SYTL2: variants seen among roughly 807,000 people sequenced by gnomAD.
SYTL2 encodes the protein synaptotagmin like 2.
A neutral mutation model predicts 198.7 loss-of-function variants in SYTL2; 165 were observed. That is an observed-to-expected ratio of 0.83 (90% CI 0.73 to 0.94). The LOEUF is 0.94. Among genes scored for constraint, SYTL2 ranks in the 40% least tolerant of loss-of-function variants. The pLI is 0.00. For missense variants in SYTL2, 2,835 were observed against 2,582.8 expected, an observed-to-expected ratio of 1.10 and a Z score of -2.12; for synonymous variants, 966 against 917.7, an observed-to-expected ratio of 1.05 and a Z score of -0.95.
intron 4 of SYTL2, among the ~76,000 whole-genome samples, chr11:85,739,821 A>T (rs2153505959): frequency 6.6e-6 from 1 of 152,294 alleles, no homozygotes; most frequent in South Asian, 2.1e-4. Flanking sequence ...CTCCAAAGAC[A>T]ATCATGGTAA....
rs954498947 is a variant in SYTL2, at chr11:85,695,071, G to C, written c.*124C>G. The stretch of plus-strand genomic sequence containing the variant: ...AGCACATGCAGATTGACTTTTACAT[G>C]CTGTGTAGTATTCCTTAGGTGCAAT... On this transcript the variant is annotated 3_prime_UTR_variant, in exon 20 of 20. Transcript: ENST00000359152. The C allele has an allele frequency of 1.1e-6, 1 of 933,392 alleles. No individual in the cohort carries two copies. Among genetic ancestry groups the C allele is most frequent in the Middle Eastern group, 2.4e-4 (1 of 4,120 alleles). 57.8% of individuals were successfully genotyped at this position (933,392 alleles called of 1,614,324 possible). A position where few individuals can be genotyped will look rare whatever the true frequency, so the allele number is the denominator to read the frequency against.
the SYTL2 span, among the ~76,000 whole-genome samples, chr11:85,847,515 T>C: frequency 6.6e-5 from 10 of 152,196 alleles, no homozygotes; most frequent in Non-Finnish European, 1.0e-4. Flanking sequence ...GGTCATACAG[T>C]ATATGTGTTT....
intron 1 of SYTL2, among the ~76,000 whole-genome samples, chr11:85,772,336 T>C (rs57373902): frequency 2.0e-3 from 311 of 152,302 alleles, no homozygotes; most frequent in Admixed American, 3.7e-3. Flanking sequence ...TGAGACACAA[T>C]AGGAAGTAGT....
Position 85,734,577 on chromosome 11 carries a change from T to A in SYTL2, c.752A>T (p.Asp251Val), listed in dbSNP as rs2090150681. ...MIYKSTDLNK[D>V]DNQSFPRQRT... ...TTGTCTAGGAAAAGACTGGTTATCA[T>A]CTTTGTTTAAATCAGTTGATTTGTA... The change falls in exon 7 of 20, where the codon GAT becomes GTT. Residue 251 changes from aspartate (D) to valine (V), a missense_variant. Transcript: ENST00000359152. The A allele has an allele frequency of 3.1e-6, 5 of 1,614,124 alleles. No individual in the cohort carries two copies. The highest frequency in any genetic ancestry group is 3.3e-5 in the Admixed American group (2 of 60,006).
At chr11:85,708,397 C>G (rs1392972419) in intron 14 of SYTL2, among the ~76,000 whole-genome samples, 2 of 151,992 alleles carry the variant, frequency 1.3e-5, no homozygotes, top group Admixed American at 6.5e-5. Flanking sequence ...AAGGATTGCA[C>G]TTGTCTCAGC....
At chr11:85,765,153 G>T (rs1190388423) in intron 1 of SYTL2, among the ~76,000 whole-genome samples, 1 of 152,142 alleles carries the variant, frequency 6.6e-6, no homozygotes. Flanking sequence ...ATAGTTGAAT[G>T]AACAAATAAA....
chr11:85,760,690 G>T (rs941708916), intron 1 of SYTL2, among the ~76,000 whole-genome samples: 1 of 152,068 alleles, frequency 6.6e-6, no homozygotes, highest in Non-Finnish European at 1.5e-5. Context: ...AACTTAGGTC[G>T]TCTAGCAGTG....
At chr11:85,785,169 G>C (rs1350423883) in intron 1 of SYTL2, among the ~76,000 whole-genome samples, 1 of 152,186 alleles carries the variant, frequency 6.6e-6, no homozygotes, top group African/African-American at 2.4e-5. Context: ...GCCCAGCTAA[G>C]AGCTGGAAGG....
At chr11:85,737,494 T>C (rs2090442560) in intron 5 of SYTL2, 81 bp downstream of exon 5, 1 of 1,110,458 alleles carries the variant, frequency 9.0e-7, no homozygotes, top group Non-Finnish European at 1.3e-6. Flanking sequence ...AAATTCTCTT[T>C]ATTTTGTGGT....
intron 16 of SYTL2, among the ~76,000 whole-genome samples, chr11:85,702,921 GAT>G (rs1401208355): frequency 5.9e-5 from 9 of 152,200 alleles, no homozygotes; most frequent in African/African-American, 1.9e-4. Context: ...ACAATGTTAA[GAT>G]AGAGAATTTT....
At chr11:85,813,964 T>C (rs2093058554), upstream of SYTL2, among the ~76,000 whole-genome samples, 1 of 152,158 alleles carries the variant, frequency 6.6e-6, no homozygotes, top group Non-Finnish European at 1.5e-5. Flanking sequence ...CGCCTCAGCA[T>C]CTCTAAGTGT....
intron 17 of SYTL2, 135 bp from the exon 18 acceptor site, chr11:85,698,213 A>C (rs1208193704): frequency 1.6e-6 from 1 of 627,418 alleles, no homozygotes; most frequent in Non-Finnish European, 2.8e-6. Flanking sequence ...GAACTGATTA[A>C]ATCTATACAG....
At position 85,694,984 on chromosome 11, in the gene SYTL2, T is replaced by A. The variant is rs766333775; in HGVS notation, c.*211A>T. The A allele has an allele frequency of 2.2e-5, 9 of 402,628 alleles. No homozygotes were observed. Among genetic ancestry groups the A allele is most frequent in the Admixed American group, 4.2e-5 (1 of 23,664 alleles). The allele number at this position is 402,628 out of a possible 1,614,324, so 24.9% of individuals were successfully genotyped here. On this transcript the variant is annotated 3_prime_UTR_variant, in exon 20 of 20. Coordinates refer to ENST00000359152, the MANE Select transcript of SYTL2 (RefSeq NM_206927.4). ...TAGCTTGTTCAAATATCTTATTTAA[T>A]ATTAGAGTCACAAATTACACATTTT...
intron 4 of SYTL2, 123 bp downstream of exon 4, chr11:85,745,514 G>A (rs1204404755): frequency 1.9e-6 from 2 of 1,064,808 alleles, no homozygotes; most frequent in African/African-American, 1.6e-5. Flanking sequence ...CTCATACACT[G>A]CCCCTTCCCC....
Position 85,727,279 on chromosome 11 carries a change from C to G in SYTL2, c.2079G>C (p.Leu693Phe). Residue 693 changes from leucine (L) to phenylalanine (F), a missense_variant, in exon 8 of 20, where the codon TTG becomes TTC. Leu to Phe is a conservative substitution (Grantham distance 22). Around this residue, in one of 3 missense-constraint regions of SYTL2, gnomAD observed 2,645 missense variants for 2,381.7 expected, o/e 1.11. Transcript: ENST00000359152. ...VPCNTNNIGN[L>F]GEEEPKFHAH... ...CATGAAACTTGGGTTCTTCTTCACC[C>G]AAGTTGCCAATATTATTAGTGTTGC... 1 of 1,535,172 alleles carries G rather than the reference C, an allele frequency of 6.5e-7. No homozygotes were observed. Among genetic ancestry groups the G allele is most frequent in the Non-Finnish European group, 8.7e-7 (1 of 1,146,680 alleles).
chr11:85,818,193 G>A, the SYTL2 span, among the ~76,000 whole-genome samples: 1 of 152,048 alleles, frequency 6.6e-6, no homozygotes, highest in South Asian at 2.1e-4. Context: ...GTGAGCCACC[G>A]TGCCTGGCCA....
intron 1 of SYTL2, among the ~76,000 whole-genome samples, chr11:85,758,863 C>T (rs2091996224): frequency 1.3e-5 from 2 of 152,194 alleles, no homozygotes; most frequent in Admixed American, 6.5e-5. Flanking sequence ...AATGACACAG[C>T]CCTACAGAAA....
chr11:85,753,502 C>G (rs1363982804), intron 2 of SYTL2, among the ~76,000 whole-genome samples: 1 of 152,082 alleles, frequency 6.6e-6, no homozygotes. Flanking sequence ...TCCTTGGGTA[C>G]GAGTCCATGT....
In SYTL2 at chr11:85,726,992, T is replaced by G; in HGVS notation, c.2366A>C (p.Tyr789Ser). 2.6e-6 allele frequency: 4 copies of G among 1,536,616 alleles called. No homozygotes were observed. The highest frequency in any genetic ancestry group is 3.5e-6 in the Non-Finnish European group (4 of 1,146,994). ...GGATATTCTGTCACTCACTCTTTTG[T>G]ATTTCTCTCTCTGCACTTGGTTCTT... ...VPKNQVQREKYKRVSDRISFW... is the reference protein window; with the variant it reads ...VPKNQVQREKSKRVSDRISFW... The change falls in exon 8 of 20, where the codon TAC (tyrosine) becomes TCC (serine). Residue 789 changes from tyrosine (Y) to serine (S), a missense_variant. This residue lies in a region of SYTL2 where 2,645 missense variants were observed against 2,381.7 expected (regional missense o/e 1.11). Coordinates refer to ENST00000359152, the MANE Select transcript of SYTL2 (RefSeq NM_206927.4).
Sources: gnomAD v4.1 joint callset for allele counts (sites outside exome capture counted in the v4.1 genomes callset) on GRCh38, gnomAD v4.1.1 for gene constraint, gnomAD v4.1.1 regional missense constraint, MANE v1.5 for transcripts, NCBI Gene and HGNC (gene_info 2026-07-23, HGNC 2026-07-21) for gene names.